The following PDXDC1 variants were observed in gnomAD, a reference collection of about 807,000 sequenced individuals.
PDXDC1 encodes the protein pyridoxal dependent decarboxylase domain containing 1.
In PDXDC1, 42 loss-of-function variants were observed where a neutral mutation model predicts 100.1. That is an observed-to-expected ratio of 0.42 (90% CI 0.33 to 0.54). PDXDC1 has a LOEUF of 0.54. PDXDC1 is among the 20% of genes least tolerant of loss of function. PDXDC1 has a pLI of 0.10. For synonymous variants in PDXDC1, 260 were observed against 371.7 expected (o/e 0.70, Z 3.46); for missense variants, 636 against 979.2 (o/e 0.65, Z 4.68).
Position 15,104,715 on chromosome 16 carries a change from G to A in PDXDC1, c.1400-34164G>A, listed in dbSNP as rs570240481. 69 of 1,597,412 alleles carry A rather than the reference G, an allele frequency of 4.3e-5. 1 individual carries two copies. In the South Asian group the frequency reaches 6.8e-4, roughly 16 times the overall value. ...TTCAGCTGTGAGGTAGGGCCAGCAG[G>A]GCAATCCTGAAGAATGACGATGCTC... On this transcript the variant is annotated intron_variant, in intron 16 of 16. Transcript: ENST00000535621.
intron 16 of PDXDC1, chr16:15,123,397 A>G (rs893455428): frequency 1.4e-4 from 149 of 1,068,828 alleles, no homozygotes; most frequent in Admixed American, 2.0e-4. Flanking sequence ...CAAAACATAA[A>G]AAACAAATGA....
At chr16:15,017,921 A>C (rs1166533820) in intron 11 of PDXDC1, among the ~76,000 whole-genome samples, 1 of 152,184 alleles carries the variant, frequency 6.6e-6, no homozygotes, top group East Asian at 1.9e-4. Flanking sequence ...CAGCCTCCCA[A>C]GTAGCTGGGA....
At chr16:15,049,451 C>CA (rs2044213103) in intron 16 of PDXDC1, among the ~76,000 whole-genome samples, 2 of 147,888 alleles carry the variant, frequency 1.4e-5, no homozygotes, top group East Asian at 4.0e-4. Flanking sequence ...TTTTTTGAGA[C>CA]AGAGTCTCGC....
chr16:15,080,167 T>G, intron 16 of PDXDC1: 1 of 1,499,966 alleles, frequency 6.7e-7, no homozygotes, highest in Non-Finnish European at 8.9e-7. Context: ...AAGCAAAACA[T>G]CAATTACATG....
chr16:15,023,207 C>T (rs2042336217), intron 13 of PDXDC1, among the ~76,000 whole-genome samples: 1 of 152,280 alleles, frequency 6.6e-6, no homozygotes, highest in Admixed American at 6.5e-5. Flanking sequence ...AATGGCCCTG[C>T]TCTTGTCTTC....
chr16:15,061,977 AG>A, intron 16 of PDXDC1: 1 of 1,438,504 alleles, frequency 7.0e-7, no homozygotes, highest in Non-Finnish European at 9.6e-7. Context: ...TTCCTTCCTC[AG>A]GAAGGTGTTA....
At chr16:15,133,612 G>A in intron 16 of PDXDC1, 7 of 1,222,760 alleles carry the variant, frequency 5.7e-6, no homozygotes, top group Non-Finnish European at 8.4e-6. Context: ...TGCCCTTGTA[G>A]ACACAGAACT....
intron 13 of PDXDC1, chr16:15,026,204 G>A: frequency 5.7e-6 from 1 of 176,708 alleles, no homozygotes; most frequent in Non-Finnish European, 1.2e-5. Context: ...AGAGTTCAAG[G>A]CCAGCCTGGA....
At chr16:15,145,780 TGTGCCCGCAGAC>T in the PDXDC1 span, among the ~76,000 whole-genome samples, 1 of 152,276 alleles carries the variant, frequency 6.6e-6, no homozygotes, top group African/African-American at 2.4e-5. Context: ...CCCCCGCCGC[TGTGCCCGCAGAC>T]GTGCCCGGCC....
chr16:15,056,015 C>G (rs1040561497), intron 16 of PDXDC1: 5 of 1,075,832 alleles, frequency 4.6e-6, no homozygotes, highest in Non-Finnish European at 4.6e-6. Context: ...GCGGCGGCCC[C>G]CCGCTTTGCA....
chr16:15,037,385 G>T lies in PDXDC1; in HGVS notation c.*1110G>T, dbSNP rs1276210490. 3 of 152,206 alleles carry T rather than the reference G, an allele frequency of 2.0e-5. No homozygotes were observed. Among genetic ancestry groups the T allele is most frequent in the African/African-American group, 4.8e-5 (2 of 41,442 alleles). 9.4% of individuals were successfully genotyped at this position (152,206 alleles called of 1,614,324 possible). A position where few individuals can be genotyped will look rare whatever the true frequency, so the allele number is the denominator to read the frequency against. ...AAAATTCACACTGGGTTTCTGGACT[G>T]TAGTATTGGAAGCCTTAGTTATAGT... On this transcript the variant is annotated 3_prime_UTR_variant, in exon 23 of 23. Transcript: ENST00000396410.
intron 8 of PDXDC1, among the ~76,000 whole-genome samples, chr16:15,014,551 G>C (rs2041635696): frequency 6.6e-6 from 1 of 152,294 alleles, no homozygotes; most frequent in Non-Finnish European, 1.5e-5. Context: ...TCTTGTTTCA[G>C]CTAAACTAAA....
At position 15,130,660 on chromosome 16, in the gene PDXDC1, G is replaced by A. The variant is rs560112390; in HGVS notation, c.1400-8219G>A. ...CCCGGGGAAATGAAGAAGGTGTAGGGCCGGTGGTCGGCACCCTGGAGGGAC... is the reference window on the plus strand; with the variant it reads ...CCCGGGGAAATGAAGAAGGTGTAGGACCGGTGGTCGGCACCCTGGAGGGAC... On this transcript the variant is annotated intron_variant, in intron 16 of 16. Transcript: ENST00000535621. 49 of 1,367,968 alleles carry A rather than the reference G, an allele frequency of 3.6e-5. No homozygotes were observed. The East Asian group carries it at 9.3e-4, about 26-fold the overall frequency. 84.7% of individuals were successfully genotyped at this position (1,367,968 alleles called of 1,614,324 possible).
chr16:14,980,879 T>C (rs1967813312), intron 1 of PDXDC1, among the ~76,000 whole-genome samples: 1 of 152,296 alleles, frequency 6.6e-6, no homozygotes, highest in Non-Finnish European at 1.5e-5. Context: ...GGATTACAGA[T>C]GTAAGCCACT....
At position 15,111,064 on chromosome 16, in the gene PDXDC1, G is replaced by T. The variant is rs544870728; in HGVS notation, c.1400-27815G>T. 1.7e-3 allele frequency among the ~76,000 whole-genome samples: 249 copies of T among 149,076 alleles called. 6 individuals carry two copies. The East Asian group carries it at 0.032, about 19-fold the overall frequency. On this transcript the variant is annotated intron_variant, in intron 16 of 16. Transcript: ENST00000535621. Reference sequence around the variant, plus strand: ...AACCGTTTGAAGCTGGGAGGCGGAGGTTGCAGTGAGCGGAGATCACACCAC... The same window carrying T: ...AACCGTTTGAAGCTGGGAGGCGGAGTTTGCAGTGAGCGGAGATCACACCAC...
At chr16:15,133,710 G>C in intron 16 of PDXDC1, 1 of 1,604,736 alleles carries the variant, frequency 6.2e-7, no homozygotes, top group Non-Finnish European at 8.5e-7. Context: ...CAGCCTGAGG[G>C]ACGGTCCCCA....
chr16:15,092,506 T>C (rs768598115), intron 16 of PDXDC1: 1 of 1,598,078 alleles, frequency 6.3e-7, no homozygotes, highest in South Asian at 1.1e-5. Context: ...TATCTCCCCT[T>C]ACCTTTTTGT....
At chr16:15,068,759 C>A (rs1293874029) in intron 16 of PDXDC1, among the ~76,000 whole-genome samples, 2 of 152,104 alleles carry the variant, frequency 1.3e-5, no homozygotes, top group Non-Finnish European at 2.9e-5. Flanking sequence ...TCCAAATTTG[C>A]CTTCTACCTC....
At chr16:15,098,562 C>T (rs1382508301) in intron 16 of PDXDC1, among the ~76,000 whole-genome samples, 2 of 151,714 alleles carry the variant, frequency 1.3e-5, no homozygotes, top group Non-Finnish European at 2.9e-5. Context: ...CAGCCATTTG[C>T]AATACATTTG....
Sources: allele counts gnomAD v4.1 joint callset (sites outside exome capture counted in the v4.1 genomes callset), GRCh38; gene constraint gnomAD v4.1.1; transcripts MANE v1.5; gene names NCBI Gene and HGNC (gene_info 2026-07-23, HGNC 2026-07-21).